SYNE2: variants seen among roughly 807,000 people sequenced by gnomAD.
SYNE2 encodes the protein nesprin-2.
In SYNE2, 431 loss-of-function variants were observed where a neutral mutation model predicts 856.3. That is an observed-to-expected ratio of 0.50 (90% confidence interval 0.47 to 0.55). The LOEUF (loss-of-function observed/expected upper bound fraction) is 0.55. Ranked by LOEUF, SYNE2 falls within the 20% of genes least tolerant of loss-of-function variation. The probability of loss-of-function intolerance (pLI) is 0.00; values close to 1 mark genes in which losing one functional copy is unlikely to be tolerated. For synonymous variants in SYNE2, 2,923 were observed against 2,872.3 expected (o/e 1.02, Z -0.56); for missense variants, 8,129 against 8,023.2 (o/e 1.01, Z -0.50).
intron 17 of SYNE2, 33 bp from the exon 18 acceptor site, chr14:63,983,704 G>T: frequency 6.4e-7 from 1 of 1,551,130 alleles, no homozygotes; most frequent in South Asian, 1.1e-5. Context: ...ATAAAAATAT[G>T]AGTATTACAT....
At chr14:64,089,451 C>T in intron 58 of SYNE2, 123 bp from the exon 59 acceptor site, 3 of 634,192 alleles carry the variant, frequency 4.7e-6, no homozygotes, top group Non-Finnish European at 4.9e-6. Context: ...GTTAGTTTTT[C>T]AGAGGTATAG....
chr14:64,149,954 A>G (rs1595852830), intron 84 of SYNE2, among the ~76,000 whole-genome samples: 1 of 137,910 alleles, frequency 7.3e-6, no homozygotes, highest in Non-Finnish European at 1.6e-5. Flanking sequence ...GAGCAACCCC[A>G]CCGTGTGTGG....
chr14:63,842,035 C>T (rs1890084567), intron 1 of SYNE2, among the ~76,000 whole-genome samples: 1 of 151,860 alleles, frequency 6.6e-6, no homozygotes, highest in Non-Finnish European at 1.5e-5. Flanking sequence ...AGGGTTTCAC[C>T]ATGTTAGCCA....
intron 64 of SYNE2, among the ~76,000 whole-genome samples, chr14:64,102,495 G>A (rs1471453060): frequency 1.3e-5 from 2 of 149,680 alleles, no homozygotes; most frequent in Non-Finnish European, 3.0e-5. Flanking sequence ...AACCTGCATG[G>A]GCTGAATTTT....
intron 1 of SYNE2, among the ~76,000 whole-genome samples, chr14:63,891,300 G>A (rs975334200): frequency 1.3e-5 from 2 of 152,192 alleles, no homozygotes; most frequent in African/African-American, 4.8e-5. Flanking sequence ...GAGGCGGTCA[G>A]AACTTGAAGG....
chr14:63,915,771 G>A (rs1040914364), intron 2 of SYNE2, among the ~76,000 whole-genome samples: 3 of 151,996 alleles, frequency 2.0e-5, no homozygotes, highest in African/African-American at 7.2e-5. Flanking sequence ...ACTTCGTAGG[G>A]TTCAGTAGTG....
At chr14:64,054,841 T>G (rs558397771) in intron 48 of SYNE2, among the ~76,000 whole-genome samples, 3 of 152,070 alleles carry the variant, frequency 2.0e-5, no homozygotes, top group Non-Finnish European at 4.4e-5. Context: ...AACTCCCTTT[T>G]CTAATTCAAA....
Position 63,941,771 on chromosome 14 carries a change from T to A in SYNE2, c.218T>A (p.Val73Glu). The A allele has an allele frequency of 2.5e-6, 4 of 1,614,142 alleles. No homozygotes were observed. The highest frequency in any genetic ancestry group is 3.4e-6 in the Non-Finnish European group (4 of 1,179,992). Reference sequence around the variant, plus strand: ...CATGTCCTCCTGGATCTGCTAGAAGTACTTTCTGGGCAACAGTTGGTAAGA... The same window carrying A: ...CATGTCCTCCTGGATCTGCTAGAAGAACTTTCTGGGCAACAGTTGGTAAGA... Reference protein sequence around the residue: ...KGHVLLDLLEVLSGQQLPRDK... With the variant: ...KGHVLLDLLEELSGQQLPRDK... Residue 73 changes from valine to glutamate, a missense_variant, in exon 4 of 116, where the codon GTA becomes GAA. Physicochemically the swap from Val to Glu is moderately radical, Grantham distance 121 (BLOSUM62 -2). This residue lies in a region of SYNE2 where 2,422 missense variants were observed against 2,357.4 expected (regional missense o/e 1.03). Coordinates refer to ENST00000555002, the MANE Select transcript of SYNE2 (RefSeq NM_182914.3).
intron 1 of SYNE2, among the ~76,000 whole-genome samples, chr14:63,892,184 C>G (rs374061110): frequency 1.3e-4 from 19 of 151,668 alleles, no homozygotes; most frequent in African/African-American, 4.6e-4. Context: ...TGTAAAAATG[C>G]TCGTGCAGTT....
chr14:64,184,270 C>A (rs372014402), intron 96 of SYNE2, among the ~76,000 whole-genome samples: 1 of 151,664 alleles, frequency 6.6e-6, no homozygotes, highest in Admixed American at 6.6e-5. Flanking sequence ...TTGTCATGGT[C>A]CCTGCCATGT....
intron 66 of SYNE2, 37 bp downstream of exon 66, chr14:64,113,608 C>A: frequency 6.4e-7 from 1 of 1,561,048 alleles, no homozygotes. Flanking sequence ...GTTTGCCTCT[C>A]CACCAATCAT....
intron 66 of SYNE2, among the ~76,000 whole-genome samples, chr14:64,115,985 C>A (rs1336487514): frequency 6.6e-6 from 1 of 151,952 alleles, no homozygotes; most frequent in African/African-American, 2.4e-5. Context: ...TACACCTTGT[C>A]TCTACAAAAT....
chr14:64,085,050 G>C (rs923644126), intron 57 of SYNE2: 2 of 700,914 alleles, frequency 2.9e-6, no homozygotes, highest in African/African-American at 1.7e-5. Context: ...GAGTGAGAGA[G>C]AGCTGTCAAG....
intron 2 of SYNE2, among the ~76,000 whole-genome samples, chr14:63,924,008 T>C (rs2095631053): frequency 6.6e-6 from 1 of 152,068 alleles, no homozygotes; most frequent in South Asian, 2.1e-4. Flanking sequence ...GGTTTCACCA[T>C]GTTGTCCAGG....
At chr14:64,160,785 CTG>C (rs1377277018) in intron 87 of SYNE2, among the ~76,000 whole-genome samples, 1 of 152,124 alleles carries the variant, frequency 6.6e-6, no homozygotes, top group Non-Finnish European at 1.5e-5. Context: ...TTCTTTGACT[CTG>C]TAATTCTCCC....
intron 9 of SYNE2, among the ~76,000 whole-genome samples, chr14:63,961,889 T>C (rs1402889520): frequency 6.6e-6 from 1 of 151,616 alleles, no homozygotes; most frequent in Non-Finnish European, 1.5e-5. Context: ...GAATGTTCTT[T>C]TTTTTTTTTA....
chr14:64,039,356 A>G (rs1379503131), intron 45 of SYNE2, among the ~76,000 whole-genome samples: 2 of 152,196 alleles, frequency 1.3e-5, no homozygotes, highest in East Asian at 3.9e-4. Context: ...CTGTGCTAAC[A>G]TGTTGGCCAA....
chr14:63,991,559 A>C (rs2096666544), intron 21 of SYNE2, among the ~76,000 whole-genome samples: 1 of 152,316 alleles, frequency 6.6e-6, no homozygotes, highest in South Asian at 2.1e-4. Context: ...AAAGTTATTC[A>C]TGGAAGCATA....
chr14:63,955,689 T>C (rs2096233059), intron 8 of SYNE2, among the ~76,000 whole-genome samples: 1 of 152,166 alleles, frequency 6.6e-6, no homozygotes, highest in Non-Finnish European at 1.5e-5. Flanking sequence ...CAATGGGAAA[T>C]GTACACACAT....
Sources: gnomAD v4.1 joint callset for allele counts (sites outside exome capture counted in the v4.1 genomes callset) on GRCh38, gnomAD v4.1.1 for gene constraint, gnomAD v4.1.1 regional missense constraint, MANE v1.5 for transcripts, NCBI Gene and HGNC (gene_info 2026-07-23, HGNC 2026-07-21) for gene names.